The following ANKRD46 variants were observed in gnomAD, a reference collection of about 807,000 sequenced individuals.
The protein encoded by ANKRD46 is ankyrin repeat domain-containing protein 46.
ANKRD46 carries 13 observed loss-of-function variants against 19.8 expected under a neutral mutation model. The observed-to-expected ratio is 0.66, with a 90% CI of 0.43 to 1.04. The LOEUF (loss-of-function observed/expected upper bound fraction) is 1.04. Among genes scored for constraint, ANKRD46 ranks in the 50% least tolerant of loss-of-function variants. The pLI, the probability that ANKRD46 is intolerant of heterozygous loss-of-function variation, is 0.00. For synonymous variants in ANKRD46, 91 were observed against 106.9 expected (o/e 0.85, Z 0.92); for missense variants, 185 against 274.8 (o/e 0.67, Z 2.31).
intron 4 of ANKRD46, 68 bp from the exon 5 acceptor site, chr8:100,522,839 G>C: frequency 7.6e-7 from 1 of 1,320,152 alleles, no homozygotes; most frequent in Non-Finnish European, 1.1e-6. Context: ...TAAAACCACA[G>C]GGCTACTATT....
chr8:100,534,159 T>C lies in ANKRD46; in HGVS notation c.-130-848A>G, dbSNP rs1314064730. The stretch of plus-strand genomic sequence containing the variant: ...CAGGGTGAAATACAGGTTAACTTTT[T>C]ACCGATCATCCTTGTTCATTGTTAT... On this transcript the variant is annotated intron_variant, in intron 1 of 4. Coordinates refer to ENST00000335659, the MANE Select transcript of ANKRD46 (RefSeq NM_001270377.2). The surrounding 1 kb of genome is among the most constrained non-coding windows in gnomAD (Gnocchi z 4.2). 6.6e-6 allele frequency among the ~76,000 whole-genome samples: 1 copy of C among 152,260 alleles called. No individual in the cohort carries two copies. The highest frequency in any genetic ancestry group is 2.4e-5 in the African/African-American group (1 of 41,470).
In ANKRD46 at chr8:100,511,965, C is replaced by A. The variant is rs562660446; in HGVS notation, c.637-1326G>T. Among the ~76,000 whole-genome samples, 1 of 152,176 alleles carries A rather than the reference C, an allele frequency of 6.6e-6. No homozygotes were observed. Among genetic ancestry groups the A allele is most frequent in the East Asian group, 1.9e-4 (1 of 5,200 alleles). On this transcript the variant is annotated intron_variant, in intron 5 of 5. Transcript: ENST00000520552. The surrounding 1 kb of genome is among the most constrained non-coding windows in gnomAD (Gnocchi z 4.1). ...GCTTGAACCCAGGTGGCGGAGGCTG[C>A]GGTGAGCCGAGATTGTGCCACTGCA...
In ANKRD46 at chr8:100,510,932, C is replaced by T. The variant is rs1046569511; in HGVS notation, c.637-293G>A. Among the ~76,000 whole-genome samples, 1 of 152,188 alleles carries T rather than the reference C, an allele frequency of 6.6e-6. No individual in the cohort carries two copies. The highest frequency in any genetic ancestry group is 1.5e-5 in the Non-Finnish European group (1 of 68,032). On this transcript the variant is annotated intron_variant, in intron 5 of 5. Coordinates refer to the ANKRD46 transcript ENST00000520552. The surrounding 1 kb of genome is among the most constrained non-coding windows in gnomAD (Gnocchi z 4.9). ...TGAAAGCTCAAAGAGCTGAAGCCATCTGGGAACCTAATCACCCACTGCCTG... is the reference window on the plus strand; with the variant it reads ...TGAAAGCTCAAAGAGCTGAAGCCATTTGGGAACCTAATCACCCACTGCCTG...
rs1296323848 is a variant in ANKRD46 at position 100,525,026 on chromosome 8, G to A, written c.471-2255C>T. Reference sequence around the variant, plus strand: ...AAAGTAAAAAGGAATTAAACTTAGAGTTATATGGAGGAGTGGGGAAATATT... The same window carrying A: ...AAAGTAAAAAGGAATTAAACTTAGAATTATATGGAGGAGTGGGGAAATATT... On this transcript the variant is annotated intron_variant, in intron 4 of 4. Coordinates refer to ENST00000335659, the MANE Select transcript of ANKRD46 (RefSeq NM_001270377.2). This position sits in a 1 kb window ranked among gnomAD's most constrained non-coding sequence, Gnocchi z 4.4. Among the ~76,000 whole-genome samples, 1 of 150,974 alleles carries A rather than the reference G, an allele frequency of 6.6e-6. No homozygotes were observed. The highest frequency in any genetic ancestry group is 1.5e-5 in the Non-Finnish European group (1 of 67,734).
At chr8:100,542,789 T>C (rs772743439) in intron 1 of ANKRD46, among the ~76,000 whole-genome samples, 2 of 152,082 alleles carry the variant, frequency 1.3e-5, no homozygotes, top group African/African-American at 2.4e-5. Flanking sequence ...GCTTTCCTCA[T>C]GCTGCCAATT....
At position 100,529,638 on chromosome 8, in the gene ANKRD46, T is replaced by C. The variant is rs1811916387; in HGVS notation, c.196A>G (p.Lys66Glu). 6.2e-7 allele frequency: 1 copy of C among 1,614,254 alleles called. No individual in the cohort carries two copies. Among genetic ancestry groups the C allele is most frequent in the Non-Finnish European group, 8.5e-7 (1 of 1,180,054 alleles). Residue 66 changes from lysine (K) to glutamate (E), a missense_variant, in exon 3 of 5, where the codon AAA becomes GAA. Lys to Glu is a moderately conservative substitution (Grantham distance 56). Transcript: ENST00000335659. The surrounding 1 kb of genome is among the most constrained non-coding windows in gnomAD (Gnocchi z 5.8). ...GTGGCCAGAAGATCGGCACCGAATT[T>C]ATGCAGTAACTGGCAGATGTCTACA... ...GNVDICQLLH[K>E]FGADLLATDY...
At chr8:100,526,892 A>T (rs1016064928) in intron 4 of ANKRD46, among the ~76,000 whole-genome samples, 8 of 152,158 alleles carry the variant, frequency 5.3e-5, no homozygotes, top group Admixed American at 4.6e-4. Flanking sequence ...GCTACTAGGT[A>T]AACAGCTGAT....
chr8:100,547,559 CT>C, intron 1 of ANKRD46, among the ~76,000 whole-genome samples: 1 of 152,262 alleles, frequency 6.6e-6, no homozygotes, highest in South Asian at 2.1e-4. Context: ...GAGCTTGAGG[CT>C]GCAGTGAGCT....
intron 1 of ANKRD46, among the ~76,000 whole-genome samples, chr8:100,540,028 A>G (rs1359075068): frequency 6.6e-6 from 1 of 152,226 alleles, no homozygotes; most frequent in Non-Finnish European, 1.5e-5. Flanking sequence ...TATGTCTGGT[A>G]TTACTATGCA....
Position 100,522,383 on chromosome 8 carries a change from T to C in ANKRD46, c.*172A>G, listed in dbSNP as rs555690169. On this transcript the variant is annotated 3_prime_UTR_variant, in exon 5 of 5. Coordinates refer to ENST00000335659, the MANE Select transcript of ANKRD46 (RefSeq NM_001270377.2). ...ATGCAATATACTTGATCATAGTATGTAGTTAGTTCAAATGAACACATCATT... is the reference window on the plus strand; with the variant it reads ...ATGCAATATACTTGATCATAGTATGCAGTTAGTTCAAATGAACACATCATT... 5.9e-5 allele frequency: 84 copies of C among 1,429,482 alleles called. 1 individual carries two copies. The highest frequency in any genetic ancestry group is 8.5e-5 in the Admixed American group (3 of 35,096). The allele number at this position is 1,429,482 out of a possible 1,614,324, so 88.5% of individuals were successfully genotyped here.
downstream of ANKRD46, among the ~76,000 whole-genome samples, chr8:100,520,175 G>A (rs905997239): frequency 6.6e-6 from 1 of 152,174 alleles, no homozygotes; most frequent in African/African-American, 2.4e-5. Context: ...TGACAAGCCA[G>A]GGTTGGAGCT....
At position 100,543,280 on chromosome 8, in the gene ANKRD46, T is replaced by C. The variant is rs533477127; in HGVS notation, c.-130-9969A>G. Among the ~76,000 whole-genome samples the C allele has an allele frequency of 3.9e-5, 6 of 152,372 alleles. No individual in the cohort carries two copies. Among genetic ancestry groups the C allele is most frequent in the African/African-American group, 1.4e-4 (6 of 41,592 alleles). On this transcript the variant is annotated intron_variant, in intron 1 of 4. Transcript: ENST00000335659. This position sits in a 1 kb window ranked among gnomAD's most constrained non-coding sequence, Gnocchi z 4.2. ...AACTGATTCCCAGTGTTAGCAACTG[T>C]TGATACAAACCTTATTTTCGTTTTA...
rs183134328 is a variant in ANKRD46, at chr8:100,522,224, A to G, written c.*331T>C. 1.8e-6 allele frequency: 2 copies of G among 1,083,282 alleles called. No homozygotes were observed. Among genetic ancestry groups the G allele is most frequent in the Admixed American group, 4.7e-5 (1 of 21,478 alleles). The allele number at this position is 1,083,282 out of a possible 1,614,324, so 67.1% of individuals were successfully genotyped here. On this transcript the variant is annotated 3_prime_UTR_variant, in exon 5 of 5. Transcript: ENST00000335659. ...ATACTTCAATTGGTCCTATATTAGG[A>G]TAAGGTTTTGATAGCAAGGACTTCC...
At position 100,522,496 on chromosome 8, in the gene ANKRD46, G is replaced by T; in HGVS notation, c.*59C>A. On this transcript the variant is annotated 3_prime_UTR_variant, in exon 5 of 5. Coordinates refer to ENST00000335659, the MANE Select transcript of ANKRD46 (RefSeq NM_001270377.2). Reference sequence around the variant, plus strand: ...GCTAAGAAAAATTCTGAGAAACTGAGAACAAACATTGGAAGCCAGGAAACA... The same window carrying T: ...GCTAAGAAAAATTCTGAGAAACTGATAACAAACATTGGAAGCCAGGAAACA... 1 of 1,592,742 alleles carries T rather than the reference G, an allele frequency of 6.3e-7. No individual in the cohort carries two copies. The highest frequency in any genetic ancestry group is 2.3e-5 in the East Asian group (1 of 44,104).
intron 1 of ANKRD46, among the ~76,000 whole-genome samples, chr8:100,547,320 G>A (rs1812292585): frequency 6.6e-6 from 1 of 152,144 alleles, no homozygotes; most frequent in African/African-American, 2.4e-5. Context: ...TGATACTGAA[G>A]GAGTTCTCAT....
In ANKRD46 at chr8:100,544,132, T is replaced by A. The variant is rs578164345; in HGVS notation, c.-130-10821A>T. 6.6e-6 allele frequency among the ~76,000 whole-genome samples: 1 copy of A among 152,280 alleles called. No individual in the cohort carries two copies. Among genetic ancestry groups the A allele is most frequent in the Non-Finnish European group, 1.5e-5 (1 of 68,024 alleles). On this transcript the variant is annotated intron_variant, in intron 1 of 4. Transcript: ENST00000335659. This position sits in a 1 kb window ranked among gnomAD's most constrained non-coding sequence, Gnocchi z 4.4. ...TAGGAAATATTTCTCATTTATTCTC[T>A]CAATCTCTCCCTCACCCTCCTTTTG... is the stretch of plus-strand genomic sequence containing the variant.
At chr8:100,535,767 C>T (rs574134178) in intron 1 of ANKRD46, among the ~76,000 whole-genome samples, 1 of 152,288 alleles carries the variant, frequency 6.6e-6, no homozygotes, top group East Asian at 1.9e-4. Flanking sequence ...TAGTAGTATT[C>T]CGTGGCATGG....
intron 1 of ANKRD46, among the ~76,000 whole-genome samples, chr8:100,535,903 T>C (rs768150031): frequency 3.3e-5 from 5 of 152,210 alleles, no homozygotes; most frequent in Non-Finnish European, 7.3e-5. Flanking sequence ...CTAGGATAAA[T>C]GGTCAGGAGA....
chr8:100,537,642 T>A lies in ANKRD46; in HGVS notation c.-130-4331A>T, dbSNP rs769021105. ...CTTTAAAATTACTGTTCTTAAAACC[T>A]GAGCTCTGCAAAAATCCAAAGATAC... On this transcript the variant is annotated intron_variant, in intron 1 of 4. Coordinates refer to ENST00000335659, the MANE Select transcript of ANKRD46 (RefSeq NM_001270377.2). This position sits in a 1 kb window ranked among gnomAD's most constrained non-coding sequence, Gnocchi z 4.2. 1.3e-5 allele frequency among the ~76,000 whole-genome samples: 2 copies of A among 152,240 alleles called. No homozygotes were observed. The highest frequency in any genetic ancestry group is 2.9e-5 in the Non-Finnish European group (2 of 68,042).
Sources: gnomAD v4.1 joint callset for allele counts (sites outside exome capture counted in the v4.1 genomes callset) on GRCh38, gnomAD v4.1.1 for gene constraint, Gnocchi (gnomAD v3.1) non-coding constraint, MANE v1.5 for transcripts, NCBI Gene and HGNC (gene_info 2026-07-23, HGNC 2026-07-21) for gene names.